The following ROBO2 variants were observed in gnomAD, a reference collection of about 807,000 sequenced individuals.
ROBO2 encodes the protein roundabout homolog 2.
Under a neutral mutation model 160.8 loss-of-function variants are expected in ROBO2, and 53 were observed. The observed-to-expected ratio is 0.33, with a 90% CI of 0.26 to 0.41. The LOEUF is 0.41. ROBO2 is among the 10% of genes least tolerant of loss of function. The pLI, the probability that ROBO2 is intolerant of heterozygous loss-of-function variation, is 1.00. For missense variants in ROBO2, 1,577 were observed against 1,722.4 expected (o/e 0.92, Z 1.49); for synonymous variants, 664 against 611.7 (o/e 1.09, Z -1.26).
intron 2 of ROBO2, among the ~76,000 whole-genome samples, chr3:76,161,437 G>A (rs1379542250): frequency 6.6e-6 from 1 of 152,088 alleles, no homozygotes; most frequent in African/African-American, 2.4e-5. Flanking sequence ...TAAAAATAAA[G>A]TAAGCTAGAC....
intron 2 of ROBO2, among the ~76,000 whole-genome samples, chr3:76,848,714 G>T (rs2069023295): frequency 6.6e-6 from 1 of 152,170 alleles, no homozygotes; most frequent in African/African-American, 2.4e-5. Context: ...GAGAAAGAGA[G>T]TCTCTAAGGC....
At chr3:77,576,974 G>A (rs1364582371) in intron 14 of ROBO2, among the ~76,000 whole-genome samples, 1 of 152,134 alleles carries the variant, frequency 6.6e-6, no homozygotes, top group Non-Finnish European at 1.5e-5. Context: ...AATAACATGT[G>A]ATAAATACTG....
intron 2 of ROBO2, among the ~76,000 whole-genome samples, chr3:76,454,581 T>C (rs920578458): frequency 1.3e-5 from 2 of 152,136 alleles, no homozygotes; most frequent in African/African-American, 4.8e-5. Context: ...TGAACAACTA[T>C]TTAACTTCCC....
intron 2 of ROBO2, among the ~76,000 whole-genome samples, chr3:77,405,410 TA>T (rs929178376): frequency 2.6e-5 from 4 of 152,064 alleles, no homozygotes; most frequent in African/African-American, 7.2e-5. Context: ...ACCAAAAAAT[TA>T]AAAATATCAT....
chr3:76,958,594 A>G (rs576352886), intron 2 of ROBO2, among the ~76,000 whole-genome samples: 1 of 152,306 alleles, frequency 6.6e-6, no homozygotes, highest in Admixed American at 6.5e-5. Context: ...TTTTACTACA[A>G]CCTTCTGAAG....
At chr3:76,707,024 A>G (rs1186227915) in intron 2 of ROBO2, among the ~76,000 whole-genome samples, 3 of 152,050 alleles carry the variant, frequency 2.0e-5, no homozygotes, top group Non-Finnish European at 2.9e-5. Flanking sequence ...ATACATATAT[A>G]TATATATTCT....
intron 2 of ROBO2, among the ~76,000 whole-genome samples, chr3:75,938,050 A>G (rs1947878461): frequency 6.6e-6 from 1 of 151,732 alleles, no homozygotes; most frequent in Non-Finnish European, 1.5e-5. Context: ...TACATTTTAA[A>G]ATTTCAAGAA....
chr3:76,482,883 G>A (rs1468169257), intron 2 of ROBO2, among the ~76,000 whole-genome samples: 2 of 152,126 alleles, frequency 1.3e-5, no homozygotes, highest in South Asian at 4.1e-4. Flanking sequence ...TTGCAAAATT[G>A]GGTTAGCTGG....
At chr3:77,322,778 G>GTA (rs2064862894) in intron 2 of ROBO2, among the ~76,000 whole-genome samples, 1 of 127,260 alleles carries the variant, frequency 7.9e-6, no homozygotes, top group South Asian at 2.3e-4. Flanking sequence ...TTATACATAT[G>GTA]TATTATAATA....
At chr3:77,323,617 A>C (rs2065046576) in intron 2 of ROBO2, among the ~76,000 whole-genome samples, 1 of 152,152 alleles carries the variant, frequency 6.6e-6, no homozygotes, top group Admixed American at 6.6e-5. Context: ...AATATTTGAT[A>C]AATGTTTGCA....
chr3:77,185,026 G>C (rs759237616), intron 2 of ROBO2, among the ~76,000 whole-genome samples: 1 of 151,122 alleles, frequency 6.6e-6, no homozygotes, highest in Non-Finnish European at 1.5e-5. Flanking sequence ...ATAATGCATG[G>C]AGCAGATATC....
chr3:76,353,787 C>G (rs1465555716), intron 2 of ROBO2, among the ~76,000 whole-genome samples: 1 of 151,850 alleles, frequency 6.6e-6, no homozygotes, highest in Non-Finnish European at 1.5e-5. Context: ...TTTCTTAGAA[C>G]TTAGAGAACT....
chr3:77,119,214 A>G (rs1333412752), intron 2 of ROBO2, among the ~76,000 whole-genome samples: 1 of 152,214 alleles, frequency 6.6e-6, no homozygotes, highest in African/African-American at 2.4e-5. Context: ...ACAGTGAGTC[A>G]ATTAAACCTC....
At chr3:77,609,689 A>G (rs1285959131) in intron 21 of ROBO2, among the ~76,000 whole-genome samples, 1 of 151,606 alleles carries the variant, frequency 6.6e-6, no homozygotes, top group Non-Finnish European at 1.5e-5. Context: ...TTCATGAAAT[A>G]GTAGATGGTG....
At chr3:77,562,799 G>A (rs2153662210) in intron 10 of ROBO2, 67 bp downstream of exon 11, 1 of 1,107,170 alleles carries the variant, frequency 9.0e-7, no homozygotes, top group East Asian at 2.4e-5. Flanking sequence ...CAAATAATAA[G>A]TTAAGGGGGG....
intron 2 of ROBO2, among the ~76,000 whole-genome samples, chr3:76,283,162 A>C (rs1708333513): frequency 7.0e-6 from 1 of 142,978 alleles, no homozygotes; most frequent in African/African-American, 2.5e-5. Context: ...AAAACTACAT[A>C]TATATAGTGA....
intron 2 of ROBO2, among the ~76,000 whole-genome samples, chr3:76,711,771 C>G: frequency 6.6e-6 from 1 of 152,140 alleles, no homozygotes; most frequent in East Asian, 1.9e-4. Flanking sequence ...TTTCTGGAAT[C>G]TTTTTCTGCT....
intron 2 of ROBO2, among the ~76,000 whole-genome samples, chr3:76,186,320 G>A (rs1227770286): frequency 2.6e-5 from 4 of 152,012 alleles, no homozygotes; most frequent in South Asian, 2.1e-4. Context: ...GAATTAAGCC[G>A]TGTCATAGTA....
intron 2 of ROBO2, among the ~76,000 whole-genome samples, chr3:76,181,909 C>T (rs1049132712): frequency 1.3e-5 from 2 of 152,028 alleles, no homozygotes; most frequent in African/African-American, 4.8e-5. Flanking sequence ...GACCATTTTC[C>T]CCTTGTGTAT....
Sources: allele counts gnomAD v4.1 joint callset (sites outside exome capture counted in the v4.1 genomes callset), GRCh38; gene constraint gnomAD v4.1.1; transcripts MANE v1.5; gene names NCBI Gene and HGNC (gene_info 2026-07-23, HGNC 2026-07-21).